The following AGBL4 variants were observed in gnomAD, a reference collection of about 807,000 sequenced individuals.
The protein encoded by AGBL4 is cytosolic carboxypeptidase 6.
AGBL4 carries 58 observed loss-of-function variants against 66.4 expected under a neutral mutation model. The ratio of observed to expected loss-of-function variants is 0.87; its 90% CI spans 0.71 to 1.09. The LOEUF is 1.09. Among genes scored for constraint, AGBL4 ranks in the 50% least tolerant of loss-of-function variants. The pLI, the probability that AGBL4 is intolerant of heterozygous loss-of-function variation, is 0.00. For missense variants in AGBL4, 579 were observed against 631.0 expected, an observed-to-expected ratio of 0.92 and a Z score of 0.88; for synonymous variants, 234 against 222.9, an observed-to-expected ratio of 1.05 and a Z score of -0.44.
chr1:49,448,349 C>A (rs897682525), intron 3 of AGBL4, among the ~76,000 whole-genome samples: 2 of 152,092 alleles, frequency 1.3e-5, no homozygotes, highest in African/African-American at 4.8e-5. Flanking sequence ...TCCTTCTCCC[C>A]GTCTCCTTCA....
chr1:49,601,892 A>C (rs940008659), intron 3 of AGBL4, among the ~76,000 whole-genome samples: 1 of 152,226 alleles, frequency 6.6e-6, no homozygotes, highest in Non-Finnish European at 1.5e-5. Context: ...CAGCAAAAGA[A>C]ACTATCACTG....
chr1:49,122,819 AATGGTTCAATATCTGTTAGCTACTAT>A (rs1471811976), intron 4 of AGBL4, among the ~76,000 whole-genome samples: 1 of 152,058 alleles, frequency 6.6e-6, no homozygotes, highest in Non-Finnish European at 1.5e-5. Flanking sequence ...GGCACCCTGG[AATGGTTCAATATCTGTTAGCTACTAT>A]ATTGTTTGTT....
At chr1:49,288,049 T>G (rs1448348773) in intron 3 of AGBL4, among the ~76,000 whole-genome samples, 16 of 134,156 alleles carry the variant, frequency 1.2e-4, no homozygotes, top group African/African-American at 1.7e-4. Context: ...AAATGATGAG[T>G]TCATGTCCTT....
intron 2 of AGBL4, chr1:49,845,643 C>A: frequency 1.2e-6 from 2 of 1,607,784 alleles, no homozygotes; most frequent in Non-Finnish European, 1.7e-6. Flanking sequence ...ACCAGAGGAC[C>A]CACACAGGAG....
At chr1:48,856,619 G>T (rs1250041181) in intron 6 of AGBL4, among the ~76,000 whole-genome samples, 1 of 152,130 alleles carries the variant, frequency 6.6e-6, no homozygotes, top group East Asian at 1.9e-4. Flanking sequence ...TCAAATCATA[G>T]GAGACTTTAA....
In AGBL4 at chr1:48,781,248, C is replaced by G. The variant is rs150701343; in HGVS notation, c.634+85943G>C. Among the ~76,000 whole-genome samples, 549 of 152,286 alleles carry G rather than the reference C, an allele frequency of 3.6e-3. 2 individuals carry two copies. Among genetic ancestry groups the G allele is most frequent in the African/African-American group, 0.013 (532 of 41,562 alleles). On this transcript the variant is annotated intron_variant, in intron 6 of 13. Transcript: ENST00000371839. Reference sequence around the variant, plus strand: ...AGATCAAAACACATGTTTCATAGATCCACAGAATCGATTCTGGAGTAGTCA... The same window carrying G: ...AGATCAAAACACATGTTTCATAGATGCACAGAATCGATTCTGGAGTAGTCA...
At chr1:48,779,827 C>A (rs1429231493) in intron 6 of AGBL4, among the ~76,000 whole-genome samples, 3 of 151,716 alleles carry the variant, frequency 2.0e-5, no homozygotes, top group Non-Finnish European at 4.4e-5. Flanking sequence ...GATTCTCCTG[C>A]CTCAGCCTCC....
At chr1:49,047,878 G>A (rs969605931) in intron 4 of AGBL4, among the ~76,000 whole-genome samples, 3 of 152,092 alleles carry the variant, frequency 2.0e-5, no homozygotes, top group African/African-American at 7.2e-5. Context: ...AGATGAAGAG[G>A]TCTGAAGAGG....
intron 3 of AGBL4, among the ~76,000 whole-genome samples, chr1:49,278,907 T>C (rs923348754): frequency 6.6e-6 from 1 of 152,226 alleles, no homozygotes. Context: ...TAATCTGCTA[T>C]GTTTAGCTGA....
At chr1:49,938,030 C>G (rs1222057463) in intron 1 of AGBL4, among the ~76,000 whole-genome samples, 1 of 143,546 alleles carries the variant, frequency 7.0e-6, no homozygotes, top group Non-Finnish European at 1.5e-5. Flanking sequence ...ACAAAAAAAG[C>G]CCTTGAAAAA....
chr1:48,650,121 C>A (rs2148437660), intron 8 of AGBL4, among the ~76,000 whole-genome samples: 1 of 152,350 alleles, frequency 6.6e-6, no homozygotes, highest in African/African-American at 2.4e-5. Context: ...TCAGGGCAGG[C>A]CTGTCTTTGG....
At chr1:49,708,517 G>A (rs912868611) in intron 2 of AGBL4, among the ~76,000 whole-genome samples, 2 of 151,852 alleles carry the variant, frequency 1.3e-5, no homozygotes, top group African/African-American at 2.4e-5. Flanking sequence ...TAGCTCAGAA[G>A]AGTTTGTTAT....
chr1:49,587,519 C>A (rs1433027710), intron 3 of AGBL4, among the ~76,000 whole-genome samples: 1 of 151,986 alleles, frequency 6.6e-6, no homozygotes, highest in African/African-American at 2.4e-5. Flanking sequence ...AGTATTCATG[C>A]ATATATATAT....
chr1:49,106,608 C>T (rs1645298447), intron 4 of AGBL4, among the ~76,000 whole-genome samples: 1 of 152,134 alleles, frequency 6.6e-6, no homozygotes, highest in Admixed American at 6.6e-5. Context: ...AGCAAGGACC[C>T]ATTCCTTCTC....
intron 3 of AGBL4, among the ~76,000 whole-genome samples, chr1:49,481,228 C>T (rs1031129902): frequency 1.3e-5 from 2 of 151,960 alleles, no homozygotes; most frequent in African/African-American, 2.4e-5. Context: ...GGTAGTATGG[C>T]CATTTTAACA....
intron 9 of AGBL4, among the ~76,000 whole-genome samples, chr1:48,631,108 C>T (rs1317803881): frequency 6.6e-6 from 1 of 152,144 alleles, no homozygotes; most frequent in African/African-American, 2.4e-5. Context: ...ATTCTGTGGG[C>T]AGAAGGCAAC....
At chr1:49,093,706 A>C (rs1025623608) in intron 4 of AGBL4, among the ~76,000 whole-genome samples, 1 of 152,200 alleles carries the variant, frequency 6.6e-6, no homozygotes, top group Non-Finnish European at 1.5e-5. Flanking sequence ...CAGAAATGAA[A>C]TAACTTGTTC....
chr1:49,994,799 T>C (rs905864198), intron 1 of AGBL4: 1 of 295,150 alleles, frequency 3.4e-6, no homozygotes, highest in Non-Finnish European at 6.7e-6. Context: ...CATAAGACAG[T>C]TGAAAAGCTG....
In AGBL4 at chr1:48,911,453, T is replaced by TA. The variant is rs567404381; in HGVS notation, c.595-44224dup. ...TAACACGGTGAAACCCCGTCTCTACTAAAAAAAATACAAAAAATTAGCCAG... is the reference window on the plus strand; with the variant it reads ...TAACACGGTGAAACCCCGTCTCTACTAAAAAAAAATACAAAAAATTAGCCAG... On this transcript the variant is annotated intron_variant, in intron 5 of 13. Transcript: ENST00000371839. 1.5e-3 allele frequency among the ~76,000 whole-genome samples: 234 copies of TA among 151,176 alleles called. 4 individuals carry two copies. The highest frequency in any genetic ancestry group is 5.5e-3 in the African/African-American group (226 of 41,206).
Sources: allele counts gnomAD v4.1 joint callset (sites outside exome capture counted in the v4.1 genomes callset), GRCh38; gene constraint gnomAD v4.1.1; transcripts MANE v1.5; gene names NCBI Gene and HGNC (gene_info 2026-07-23, HGNC 2026-07-21).